Variants in NECAB3 observed in about 807,000 individuals in gnomAD.
NECAB3 encodes N-terminal EF-hand calcium binding protein 3.
NECAB3 carries 38 observed loss-of-function variants against 57.2 expected under a neutral mutation model. The observed-to-expected ratio is 0.66, with a 90% confidence interval of 0.51 to 0.87. NECAB3 has a LOEUF of 0.87. NECAB3 is among the 40% of genes least tolerant of loss of function. The probability of loss-of-function intolerance (pLI) is 0.00; values close to 1 mark genes in which losing one functional copy is unlikely to be tolerated. For missense variants in NECAB3, 474 were observed against 527.5 expected (o/e 0.90, Z 0.99); for synonymous variants, 223 against 222.6 (o/e 1.00, Z -0.02).
chr20:33,674,307 C>A lies in NECAB3; in HGVS notation c.46G>T (p.Ala16Ser). The part of the protein sequence containing the change: ...LLTVCLLRPP[A>S]PQPQPQTPRH... ...GGGGTCTGGGGCTGGGGCTGGGGCG[C>A]GGGCGGCCGGAGCAGGCACACGGTG... Residue 16 changes from alanine to serine, a missense_variant, in exon 1 of 12, where the codon GCG (alanine) becomes TCG (serine). By Grantham distance (99) the Ala-to-Ser change is moderately conservative (BLOSUM62 1). Transcript: ENST00000246190. 1 of 1,221,162 alleles carries A rather than the reference C, an allele frequency of 8.2e-7. No homozygotes were observed. The highest frequency in any genetic ancestry group is 1.0e-6 in the Non-Finnish European group (1 of 980,854). 75.6% of individuals were successfully genotyped at this position (1,221,162 alleles called of 1,614,324 possible).
chr20:33,669,561 C>A, intron 4 of NECAB3, 89 bp from the exon 5 acceptor site: 1 of 1,556,994 alleles, frequency 6.4e-7, no homozygotes. Context: ...CCTCAGCAGC[C>A]AAGCAGGCCT....
chr20:33,667,421 C>A, intron 5 of NECAB3: 1 of 1,410,306 alleles, frequency 7.1e-7, no homozygotes, highest in Non-Finnish European at 9.2e-7. Flanking sequence ...GTGAGCGACT[C>A]GCCGTTGGCG....
chr20:33,672,167 C>T, intron 2 of NECAB3: 1 of 587,224 alleles, frequency 1.7e-6, no homozygotes, highest in Non-Finnish European at 3.1e-6. Context: ...GTGTGAAAGT[C>T]AGCCCCTATC....
intron 5 of NECAB3, chr20:33,667,180 G>T: frequency 3.7e-6 from 1 of 267,068 alleles, no homozygotes. Context: ...CACCAAGGCG[G>T]GCTTCGCGGG....
chr20:33,658,860 T>C (rs755511079), intron 8 of NECAB3, 26 bp from the exon 9 acceptor site: 11 of 1,576,704 alleles, frequency 7.0e-6, no homozygotes, highest in Non-Finnish European at 9.6e-6. Flanking sequence ...GCCGGTCAGC[T>C]GGTGCGGGGC....
In NECAB3 at chr20:33,660,051, G is replaced by T; in HGVS notation, c.525-48C>A. 6.5e-7 allele frequency: 1 copy of T among 1,548,036 alleles called. No individual in the cohort carries two copies. ...GGCCGAGGACTGGGGCCCCAGGACGGGATAAGCCTGGGTGGGGAAGACAAG... is the reference window on the plus strand; with the variant it reads ...GGCCGAGGACTGGGGCCCCAGGACGTGATAAGCCTGGGTGGGGAAGACAAG... On this transcript the variant is annotated intron_variant, in intron 6 of 11. Coordinates refer to ENST00000246190, the MANE Select transcript of NECAB3 (RefSeq NM_031232.4). This position sits in a 1 kb window ranked among gnomAD's most constrained non-coding sequence, Gnocchi z 4.1.
intron 3 of NECAB3, chr20:33,670,468 A>C: frequency 2.2e-6 from 1 of 456,098 alleles, no homozygotes; most frequent in Non-Finnish European, 3.9e-6. Flanking sequence ...GGTGACTCAG[A>C]CTTGGCTATT....
At chr20:33,673,875 G>A (rs963089892) in intron 1 of NECAB3, among the ~76,000 whole-genome samples, 1 of 152,092 alleles carries the variant, frequency 6.6e-6, no homozygotes, top group Admixed American at 6.5e-5. Context: ...GGAGTGAGGG[G>A]CCCTTGCGTT....
At chr20:33,667,614 C>A (rs372855644) in intron 5 of NECAB3, 1 of 1,594,080 alleles carries the variant, frequency 6.3e-7, no homozygotes, top group South Asian at 1.1e-5. Context: ...ACTCGTGGCA[C>A]CAGGCCACCT....
Position 33,660,213 on chromosome 20 carries a change from G to T in NECAB3, c.524+46C>A. On this transcript the variant is annotated intron_variant, in intron 6 of 11. Transcript: ENST00000246190. This position sits in a 1 kb window ranked among gnomAD's most constrained non-coding sequence, Gnocchi z 4.1. ...TGGGGATTTGGAATGGGGGTACAAT[G>T]GGCGCTTGTGCACTAGCCCCACAGG... 1 of 1,594,658 alleles carries T rather than the reference G, an allele frequency of 6.3e-7. No homozygotes were observed. Among genetic ancestry groups the T allele is most frequent in the South Asian group, 1.1e-5 (1 of 90,446 alleles).
chr20:33,667,187 C>T (rs555883283), intron 5 of NECAB3: 2 of 280,900 alleles, frequency 7.1e-6, no homozygotes, highest in East Asian at 5.9e-5. Flanking sequence ...GCGGGCTTCG[C>T]GGGCGAGAAC....
chr20:33,670,262 C>T (rs957120139), intron 3 of NECAB3: 1 of 183,170 alleles, frequency 5.5e-6, no homozygotes, highest in Non-Finnish European at 1.1e-5. Context: ...GCGGTTCATG[C>T]GTGTGCACCC....
chr20:33,663,669 G>A (rs1205985112), intron 5 of NECAB3: 7 of 1,572,996 alleles, frequency 4.5e-6, no homozygotes, highest in South Asian at 1.1e-5. Context: ...AAGGTAGCGA[G>A]CGCGAGCCGA....
At position 33,660,171 on chromosome 20, in the gene NECAB3, C is replaced by A; in HGVS notation, c.524+88G>T. 1 of 1,559,850 alleles carries A rather than the reference C, an allele frequency of 6.4e-7. No homozygotes were observed. ...GCTTCCCCGCCCGAAAATGCAGGCT[C>A]CAGGATGCTGGGACTGTGGGGATTT... On this transcript the variant is annotated intron_variant, in intron 6 of 11. Coordinates refer to ENST00000246190, the MANE Select transcript of NECAB3 (RefSeq NM_031232.4). This position sits in a 1 kb window ranked among gnomAD's most constrained non-coding sequence, Gnocchi z 4.1.
At chr20:33,665,274 G>A (rs2122493771) in intron 5 of NECAB3, 1 of 152,476 alleles carries the variant, frequency 6.6e-6, no homozygotes, top group African/African-American at 2.4e-5. Flanking sequence ...AGGAGATCGA[G>A]ACCATCCTGG....
intron 2 of NECAB3, 71 bp from the exon 3 acceptor site, chr20:33,670,863 T>A: frequency 8.6e-7 from 1 of 1,161,744 alleles, no homozygotes; most frequent in Non-Finnish European, 1.3e-6. Flanking sequence ...TGCCACCAGG[T>A]CCAGGGTCCC....
At chr20:33,658,877 CAG>C in intron 8 of NECAB3, 43 bp from the exon 9 acceptor site, 1 of 1,460,322 alleles carries the variant, frequency 6.8e-7, no homozygotes. Context: ...GGGCCGGGCA[CAG>C]GGGAGGGACT....
At chr20:33,661,161 T>C (rs948889875) in intron 5 of NECAB3, among the ~76,000 whole-genome samples, 1 of 152,220 alleles carries the variant, frequency 6.6e-6, no homozygotes, top group Non-Finnish European at 1.5e-5. Context: ...TGCATAGGAC[T>C]CAGCCCAGGG....
At chr20:33,673,401 G>A (rs1228592330) in intron 1 of NECAB3, among the ~76,000 whole-genome samples, 1 of 152,162 alleles carries the variant, frequency 6.6e-6, no homozygotes. Flanking sequence ...TGAGGGGCAC[G>A]CAGCAAGCCA....
Sources: gnomAD v4.1 joint callset for allele counts (sites outside exome capture counted in the v4.1 genomes callset) on GRCh38, gnomAD v4.1.1 for gene constraint, Gnocchi (gnomAD v3.1) non-coding constraint, MANE v1.5 for transcripts, NCBI Gene and HGNC (gene_info 2026-07-23, HGNC 2026-07-21) for gene names.